Variants in RHPN2 observed in about 807,000 individuals in gnomAD.
RHPN2 encodes rhophilin-2.
RHPN2 carries 40 observed loss-of-function variants against 79.0 expected under a neutral mutation model. The observed-to-expected ratio is 0.51, with a 90% CI of 0.39 to 0.66. The LOEUF is 0.66. Among genes scored for constraint, RHPN2 ranks in the 30% least tolerant of loss-of-function variants. RHPN2 has a pLI of 0.00. For missense variants in RHPN2, 686 were observed against 883.5 expected (o/e 0.78, Z 2.83); for synonymous variants, 285 against 363.5 (o/e 0.78, Z 2.46).
chr19:33,046,149 G>A (rs1427737657), intron 1 of RHPN2, among the ~76,000 whole-genome samples: 7 of 152,100 alleles, frequency 4.6e-5, no homozygotes, highest in Non-Finnish European at 8.8e-5. Flanking sequence ...TGACTATTAC[G>A]AATAAGGCTG....
chr19:33,027,866 G>C (rs1971980806), intron 2 of RHPN2, among the ~76,000 whole-genome samples: 1 of 152,110 alleles, frequency 6.6e-6, no homozygotes, highest in African/African-American at 2.4e-5. Flanking sequence ...TATGAAATCT[G>C]ATAAAAGACA....
At chr19:32,990,406 T>C in intron 14 of RHPN2, 108 bp downstream of exon 14, 3 of 1,174,946 alleles carry the variant, frequency 2.6e-6, no homozygotes, top group Non-Finnish European at 3.8e-6. Context: ...ATTTGTACCA[T>C]GTTACACAGG....
chr19:33,057,438 C>G (rs575842591), intron 1 of RHPN2, among the ~76,000 whole-genome samples: 1 of 152,236 alleles, frequency 6.6e-6, no homozygotes, highest in South Asian at 2.1e-4. Flanking sequence ...GCCTGTAATC[C>G]CAGCACTTTG....
chr19:33,055,840 C>T (rs537561279), intron 1 of RHPN2, among the ~76,000 whole-genome samples: 3 of 152,094 alleles, frequency 2.0e-5, no homozygotes, highest in South Asian at 2.1e-4. Flanking sequence ...ACAATGAACC[C>T]GGAGGCCCTG....
At chr19:33,039,156 G>A (rs1254729621) in intron 2 of RHPN2, among the ~76,000 whole-genome samples, 3 of 152,102 alleles carry the variant, frequency 2.0e-5, no homozygotes, top group African/African-American at 2.4e-5. Context: ...CCCAAATCCC[G>A]CTCTGCCAGG....
intron 4 of RHPN2, among the ~76,000 whole-genome samples, chr19:33,014,014 C>T (rs1176453029): frequency 6.6e-6 from 1 of 151,662 alleles, no homozygotes; most frequent in Non-Finnish European, 1.5e-5. Context: ...TAGCTGGGAC[C>T]ACAGGCACGT....
At chr19:32,995,103 C>T (rs1198221275) in intron 11 of RHPN2, among the ~76,000 whole-genome samples, 7 of 152,188 alleles carry the variant, frequency 4.6e-5, no homozygotes, top group Admixed American at 3.3e-4. Flanking sequence ...GACAGGGTGT[C>T]GCTCTGTCGC....
chr19:33,035,010 C>T (rs886335377), intron 2 of RHPN2, among the ~76,000 whole-genome samples: 1 of 151,942 alleles, frequency 6.6e-6, no homozygotes, highest in Admixed American at 6.6e-5. Context: ...CTCTGTCACC[C>T]ACGCTGGAGT....
intron 7 of RHPN2, 147 bp from the exon 8 acceptor site, chr19:33,003,147 C>G (rs959720184): frequency 5.5e-6 from 4 of 733,548 alleles, no homozygotes; most frequent in Admixed American, 2.1e-5. Context: ...TCACTTGTAT[C>G]AGGAATTCAA....
chr19:32,993,645 G>T (rs1971678212), intron 12 of RHPN2, among the ~76,000 whole-genome samples: 1 of 152,098 alleles, frequency 6.6e-6, no homozygotes, highest in Non-Finnish European at 1.5e-5. Flanking sequence ...GGCCTCTCGA[G>T]AGGTGATTCA....
chr19:33,027,912 G>A (rs1158134269), intron 2 of RHPN2, among the ~76,000 whole-genome samples: 1 of 152,130 alleles, frequency 6.6e-6, no homozygotes, highest in African/African-American at 2.4e-5. Flanking sequence ...ACACTTAGTG[G>A]TGAATGACTG....
chr19:32,996,397 C>A lies in RHPN2; in HGVS notation c.1226-177G>T, dbSNP rs1468141137. On this transcript the variant is annotated intron_variant, in intron 10 of 14. Transcript: ENST00000254260. The stretch of plus-strand genomic sequence containing the variant: ...AGTGACTCTCTCCTAGCAGAGAGAG[C>A]CGGACAGACTCCATTTTAGTTTCTT... 15 of 663,628 alleles carry A rather than the reference C, an allele frequency of 2.3e-5. No individual in the cohort carries two copies. In the Middle Eastern group the frequency reaches 1.6e-3, roughly 70 times the overall value. The allele number at this position is 663,628 out of a possible 1,614,324, so 41.1% of individuals were successfully genotyped here.
chr19:33,054,197 GT>G (rs34820019), intron 1 of RHPN2, among the ~76,000 whole-genome samples: 43,221 of 111,960 alleles, frequency 0.39, 7,059 homozygotes, highest in South Asian at 0.6. Context: ...TTTCTTCTTT[GT>G]TTTTTTTTTT....
intron 2 of RHPN2, 129 bp from the exon 3 acceptor site, chr19:33,026,761 G>GTT: frequency 9.1e-7 from 1 of 1,104,786 alleles, no homozygotes; most frequent in Admixed American, 1.9e-5. Flanking sequence ...AGGAGTGTCG[G>GTT]TTAAGGTATC....
chr19:33,019,232 C>T (rs1971903704), intron 4 of RHPN2, among the ~76,000 whole-genome samples: 1 of 151,284 alleles, frequency 6.6e-6, no homozygotes, highest in African/African-American at 2.4e-5. Flanking sequence ...ACTGCTTGAA[C>T]CCAGGAGTTT....
intron 1 of RHPN2, among the ~76,000 whole-genome samples, chr19:33,048,288 T>C (rs923274532): frequency 8.6e-5 from 13 of 151,650 alleles, no homozygotes; most frequent in African/African-American, 3.1e-4. Context: ...ACTCCTGACC[T>C]CAGGTGATCC....
At chr19:33,063,402 G>A (rs1479100548) in intron 1 of RHPN2, among the ~76,000 whole-genome samples, 6 of 152,132 alleles carry the variant, frequency 3.9e-5, no homozygotes, top group Non-Finnish European at 8.8e-5. Context: ...GGAGAAGGAG[G>A]AAGATGCCAA....
chr19:33,019,083 T>C (rs1259717992), intron 4 of RHPN2, among the ~76,000 whole-genome samples: 1 of 148,308 alleles, frequency 6.7e-6, no homozygotes, highest in Non-Finnish European at 1.5e-5. Flanking sequence ...ATAGTCAAAA[T>C]GTCATAAGAT....
chr19:33,037,315 G>C (rs1972066306), intron 2 of RHPN2, among the ~76,000 whole-genome samples: 1 of 152,090 alleles, frequency 6.6e-6, no homozygotes, highest in South Asian at 2.1e-4. Context: ...TCTAGCTCAG[G>C]GACTGTAAAT....
Sources: gnomAD v4.1 joint callset for allele counts (sites outside exome capture counted in the v4.1 genomes callset) on GRCh38, gnomAD v4.1.1 for gene constraint, MANE v1.5 for transcripts, NCBI Gene and HGNC (gene_info 2026-07-23, HGNC 2026-07-21) for gene names.